INHBE: variants seen among roughly 807,000 people sequenced by gnomAD.
INHBE encodes the protein inhibin beta E chain.
In INHBE, 19 loss-of-function variants were observed where a neutral mutation model predicts 27.8. That is an observed-to-expected ratio of 0.68 (90% CI 0.48 to 1.00). The LOEUF is 1.00. Ranked by LOEUF, INHBE falls within the 50% of genes least tolerant of loss-of-function variation. INHBE has a pLI of 0.00. For synonymous variants in INHBE, 196 were observed against 187.2 expected, an observed-to-expected ratio of 1.05 and a Z score of -0.38; for missense variants, 398 against 433.9, an observed-to-expected ratio of 0.92 and a Z score of 0.73.
Position 57,456,185 on chromosome 12 carries a change from G to C in INHBE, c.390G>C (p.Val130=), listed in dbSNP as rs143617342. Residue 130 remains valine (V), a synonymous_variant, in exon 2 of 2, where the codon GTG becomes GTC. Coordinates refer to ENST00000266646, the MANE Select transcript of INHBE (RefSeq NM_031479.5). ...ACCATGCCCGCCTGTGGCTGCACGT[G>C]CTCCCCACCCTTCCTGGCACTCTTT... ...HLYHARLWLH[V]LPTLPGTLCL... The C allele has an allele frequency of 1.1e-5, 18 of 1,613,848 alleles. No individual in the cohort carries two copies. In the African/African-American group the frequency reaches 2.3e-4, roughly 20 times the overall value.
In INHBE at chr12:57,455,601, C is replaced by G. The variant is rs1870806921; in HGVS notation, c.65C>G (p.Thr22Arg). 6.2e-7 allele frequency: 1 copy of G among 1,614,048 alleles called. No homozygotes were observed. The highest frequency in any genetic ancestry group is 1.3e-5 in the African/African-American group (1 of 75,050). ...TGGGCACTGGTGCGAGCACAGGGGACAGGGTCTGTGTGTCCCTCCTGTGGG... is the reference window on the plus strand; with the variant it reads ...TGGGCACTGGTGCGAGCACAGGGGAGAGGGTCTGTGTGTCCCTCCTGTGGG... ...LLWALVRAQG[T>R]GSVCPSCGGS... The change falls in exon 1 of 2, where the codon ACA becomes AGA. Residue 22 changes from threonine (T) to arginine (R), a missense_variant. Coordinates refer to ENST00000266646, the MANE Select transcript of INHBE (RefSeq NM_031479.5).
At chr12:57,456,004 G>A (rs1047645947) in intron 1 of INHBE, 90 bp from the exon 2 acceptor site, 6 of 1,484,428 alleles carry the variant, frequency 4.0e-6, no homozygotes, top group Non-Finnish European at 4.6e-6. Context: ...AGGTAGGTTC[G>A]AGGGAGAGCA....
At position 57,455,480 on chromosome 12, in the gene INHBE, C is replaced by T. The variant is rs1870802515; in HGVS notation, c.-57C>T. 2.0e-6 allele frequency: 3 copies of T among 1,535,130 alleles called. No homozygotes were observed. In the South Asian group the frequency reaches 3.7e-5, roughly 19 times the overall value. ...CTCATTGGCCCCCAGCAATCAGACT[C>T]AACAGACGGAGCAACTGCCATCCGA... On this transcript the variant is annotated 5_prime_UTR_variant, in exon 1 of 2. Coordinates refer to ENST00000266646, the MANE Select transcript of INHBE (RefSeq NM_031479.5).
Position 57,456,302 on chromosome 12 carries a change from T to A in INHBE, c.507T>A (p.His169Gln). 2 of 1,614,128 alleles carry A rather than the reference T, an allele frequency of 1.2e-6. No homozygotes were observed. The highest frequency in any genetic ancestry group is 1.7e-6 in the Non-Finnish European group (2 of 1,180,024). The stretch of plus-strand genomic sequence containing the variant: ...ACCACATCACCAACCTGGGCTGGCA[T>A]ACCTTAACTCTGCCCTCTAGTGGCT... The part of the protein sequence containing the change: ...AEHHITNLGW[H>Q]TLTLPSSGLR... The change falls in exon 2 of 2, where the codon CAT (histidine) becomes CAA (glutamine). Residue 169 changes from histidine to glutamine, a missense_variant. Physicochemically the swap from His to Gln is conservative, Grantham distance 24. Transcript: ENST00000266646.
chr12:57,455,854 A>G lies in INHBE; in HGVS notation c.298+20A>G. On this transcript the variant is annotated intron_variant, in intron 1 of 1. Transcript: ENST00000266646. Reference sequence around the variant, plus strand: ...TCACAGGTGGGTGAGGGAGAGAGCAACAGGCAAAGAGCAGACAGGGAAAGG... The same window carrying G: ...TCACAGGTGGGTGAGGGAGAGAGCAGCAGGCAAAGAGCAGACAGGGAAAGG... 6.2e-7 allele frequency: 1 copy of G among 1,608,106 alleles called. No homozygotes were observed. The highest frequency in any genetic ancestry group is 1.1e-5 in the South Asian group (1 of 90,840).
chr12:57,456,402 G>A lies in INHBE; in HGVS notation c.607G>A (p.Gly203Arg). ...RPLEGNSTVT[G>R]QPRRLLDTAG... ...CCTAGAAGGCAACAGCACAGTTACT[G>A]GACAACCGAGGCGGCTCTTGGACAC... is the stretch of plus-strand genomic sequence containing the variant. The change falls in exon 2 of 2, where the codon GGA becomes AGA. Residue 203 changes from glycine (G) to arginine (R), a missense_variant. Physicochemically the swap from Gly to Arg is moderately radical, Grantham distance 125 (BLOSUM62 -2). Coordinates refer to ENST00000266646, the MANE Select transcript of INHBE (RefSeq NM_031479.5). 6.2e-7 allele frequency: 1 copy of A among 1,614,150 alleles called. No individual in the cohort carries two copies. Among genetic ancestry groups the A allele is most frequent in the African/African-American group, 1.3e-5 (1 of 75,024 alleles).
In INHBE at chr12:57,456,676, T is replaced by C. The variant is rs1420061756; in HGVS notation, c.881T>C (p.Phe294Ser). ...GGCAGCCCAGGCATTGCTGCCTCTT[T>C]CCATTCTGCCGTCTTCAGCCTCCTC... ...LAGSPGIAAS[F>S]HSAVFSLLKA... The change falls in exon 2 of 2, where the codon TTC becomes TCC. Residue 294 changes from phenylalanine to serine, a missense_variant. Phe to Ser is a radical substitution (Grantham distance 155). Coordinates refer to ENST00000266646, the MANE Select transcript of INHBE (RefSeq NM_031479.5). 6.2e-7 allele frequency: 1 copy of C among 1,614,214 alleles called. No individual in the cohort carries two copies.
Position 57,456,338 on chromosome 12 carries a change from G to C in INHBE, c.543G>C (p.Glu181Asp). 1 of 1,614,124 alleles carries C rather than the reference G, an allele frequency of 6.2e-7. No individual in the cohort carries two copies. Among genetic ancestry groups the C allele is most frequent in the Non-Finnish European group, 8.5e-7 (1 of 1,180,022 alleles). Residue 181 changes from glutamate to aspartate, a missense_variant, in exon 2 of 2, where the codon GAG (glutamate) becomes GAC (aspartate). Coordinates refer to ENST00000266646, the MANE Select transcript of INHBE (RefSeq NM_031479.5). ...LTLPSSGLRG[E>D]KSGVLKLQLD... ...TGCCCTCTAGTGGCTTGAGGGGTGA[G>C]AAGTCTGGTGTCCTGAAACTGCAAC...
In INHBE at chr12:57,455,397, G is replaced by C. The variant is rs1870800626; in HGVS notation, c.-140G>C. On this transcript the variant is annotated 5_prime_UTR_variant, in exon 1 of 2. Transcript: ENST00000266646. ...CCTGAGTCCCAGACAATAGAAGACAGGTGGCTGTACCCTTGGCCAAGGGTA... is the reference window on the plus strand; with the variant it reads ...CCTGAGTCCCAGACAATAGAAGACACGTGGCTGTACCCTTGGCCAAGGGTA... 1.4e-6 allele frequency: 1 copy of C among 727,308 alleles called. No homozygotes were observed. Among genetic ancestry groups the C allele is most frequent in the Non-Finnish European group, 2.3e-6 (1 of 436,328 alleles). 45.1% of individuals were successfully genotyped at this position (727,308 alleles called of 1,614,324 possible).
Position 57,456,400 on chromosome 12 carries a change from C to G in INHBE, c.605C>G (p.Thr202Ser). The G allele has an allele frequency of 1.9e-6, 3 of 1,614,204 alleles. No individual in the cohort carries two copies. Among genetic ancestry groups the G allele is most frequent in the Non-Finnish European group, 2.5e-6 (3 of 1,180,036 alleles). The change falls in exon 2 of 2, where the codon ACT (threonine) becomes AGT (serine). Residue 202 changes from threonine to serine, a missense_variant. Physicochemically the swap from Thr to Ser is moderately conservative, Grantham distance 58 (BLOSUM62 1). Transcript: ENST00000266646. ...CCCCTAGAAGGCAACAGCACAGTTA[C>G]TGGACAACCGAGGCGGCTCTTGGAC... ...CRPLEGNSTV[T>S]GQPRRLLDTA...
In INHBE at chr12:57,456,225, C is replaced by T. The variant is rs1200579113; in HGVS notation, c.430C>T (p.Arg144Ter). ...TGGCACTCTTTGCTTGAGGATCTTC[C>T]GATGGGGACCAAGGAGGAGGCGCCA... ...LPGTLCLRIFRWGPRRRRQGS... is the reference protein window; with the variant it reads ...LPGTLCLRIF The change falls in exon 2 of 2, where the codon CGA (arginine) becomes TGA (stop). Residue 144 changes from arginine (R) to a stop codon, truncating the protein, a stop_gained. Coordinates refer to ENST00000266646, the MANE Select transcript of INHBE (RefSeq NM_031479.5). LOFTEE classifies it high-confidence loss of function. 1.2e-5 allele frequency: 20 copies of T among 1,614,096 alleles called. No homozygotes were observed. Among genetic ancestry groups the T allele is most frequent in the African/African-American group, 2.7e-5 (2 of 75,004 alleles).
In INHBE at chr12:57,456,275, GCAC is replaced by G; in HGVS notation, c.484_486del (p.His162del). On this transcript the variant is annotated inframe_deletion, in exon 2 of 2. Transcript: ENST00000266646. The stretch of plus-strand genomic sequence containing the variant: ...AAGGGTCCCGCACTCTCCTGGCTGA[GCAC>G]CACATCACCAACCTGGGCTGGCATA... 1.2e-6 allele frequency: 2 copies of G among 1,614,156 alleles called. No homozygotes were observed. The highest frequency in any genetic ancestry group is 1.7e-6 in the Non-Finnish European group (2 of 1,180,028).
At position 57,458,018 on chromosome 12, in the gene INHBE, T is replaced by G. The variant is rs1361368836; in HGVS notation, c.*1170T>G. ...CTGACATCATTGTTAATGGAATGTG[T>G]GCTTGTATGGTCTTGTGTTACAGTC... On this transcript the variant is annotated 3_prime_UTR_variant, in exon 2 of 2. Transcript: ENST00000266646. 4 of 152,254 alleles carry G rather than the reference T, an allele frequency of 2.6e-5. No homozygotes were observed. Among genetic ancestry groups the G allele is most frequent in the African/African-American group, 9.6e-5 (4 of 41,462 alleles). 9.4% of individuals were successfully genotyped at this position (152,254 alleles called of 1,614,324 possible). A position where few individuals can be genotyped will look rare whatever the true frequency, so the allele number is the denominator to read the frequency against.
Position 57,456,617 on chromosome 12 carries a change from T to A in INHBE, c.822T>A (p.Asn274Lys), listed in dbSNP as rs780261059. 6.2e-7 allele frequency: 1 copy of A among 1,614,120 alleles called. No homozygotes were observed. Among genetic ancestry groups the A allele is most frequent in the Non-Finnish European group, 8.5e-7 (1 of 1,179,990 alleles). Residue 274 changes from asparagine (N) to lysine (K), a missense_variant, in exon 2 of 2, where the codon AAT becomes AAA. Transcript: ENST00000266646. ...TGCAGCCCGAGGGGTACCAGCTGAA[T>A]TACTGCAGTGGGCAGTGCCCTCCCC... ...WILQPEGYQL[N>K]YCSGQCPPHL...
At position 57,455,487 on chromosome 12, in the gene INHBE, CG is replaced by C; in HGVS notation, c.-48del. ...GCCCCCAGCAATCAGACTCAACAGA[CG>C]GAGCAACTGCCATCCGAGGCTCCTG... On this transcript the variant is annotated 5_prime_UTR_variant, in exon 1 of 2. Transcript: ENST00000266646. 1 of 1,543,784 alleles carries C rather than the reference CG, an allele frequency of 6.5e-7. No individual in the cohort carries two copies. Among genetic ancestry groups the C allele is most frequent in the East Asian group, 2.3e-5 (1 of 44,306 alleles).
At chr12:57,455,961 G>A in intron 1 of INHBE, 127 bp downstream of exon 1, 1 of 1,368,410 alleles carries the variant, frequency 7.3e-7, no homozygotes, top group Non-Finnish European at 1.0e-6. Context: ...GGGACTGGTT[G>A]CAGAGGACAC....
rs1239934689 is a variant in INHBE at position 57,456,809 on chromosome 12, T to C, written c.1014T>C (p.Asp338=). The change falls in exon 2 of 2, where the codon GAT becomes GAC. Residue 338 remains aspartate (D), a synonymous_variant. Transcript: ENST00000266646. ...ATAATGGCAATGTGGTCAAGACGGA[T>C]GTGCCAGATATGGTGGTGGAGGCCT... ...LDHNGNVVKT[D]VPDMVVEACG... 8 of 1,613,970 alleles carry C rather than the reference T, an allele frequency of 5.0e-6. No homozygotes were observed. Among genetic ancestry groups the C allele is most frequent in the Non-Finnish European group, 6.8e-6 (8 of 1,179,994 alleles).
rs148453718 is a variant in INHBE, at chr12:57,456,758, G to T, written c.963G>T (p.Arg321Ser). 51 of 1,614,180 alleles carry T rather than the reference G, an allele frequency of 3.2e-5. 1 individual carries two copies. Among genetic ancestry groups the T allele is most frequent in the Middle Eastern group, 1.6e-4 (1 of 6,062 alleles). ...CCTGTTGTGTCCCTACTGCCCGAAG[G>T]CCCCTCTCTCTCCTCTACCTGGATC... ...STSCCVPTAR[R>S]PLSLLYLDHN... The change falls in exon 2 of 2, where the codon AGG becomes AGT. Residue 321 changes from arginine to serine, a missense_variant. Arg to Ser is a moderately radical substitution (Grantham distance 110, BLOSUM62 -1). Coordinates refer to ENST00000266646, the MANE Select transcript of INHBE (RefSeq NM_031479.5).
At chr12:57,455,905 G>A (rs753529289) in intron 1 of INHBE, 71 bp downstream of exon 1, 24 of 1,483,396 alleles carry the variant, frequency 1.6e-5, no homozygotes, top group African/African-American at 2.8e-5. Context: ...CCTGGCAGGA[G>A]CAGCAGAGGG....
Sources: allele counts gnomAD v4.1 joint callset, GRCh38; gene constraint gnomAD v4.1.1; transcripts MANE v1.5; gene names NCBI Gene and HGNC (gene_info 2026-07-23, HGNC 2026-07-21).